ITPKC: variants seen among roughly 807,000 people sequenced by gnomAD.
The protein encoded by ITPKC is IP3 3-kinase C.
Under a neutral mutation model 67.1 loss-of-function variants are expected in ITPKC, and 33 were observed. The observed-to-expected ratio is 0.49, with a 90% CI of 0.37 to 0.66. ITPKC has a LOEUF of 0.66. Among genes scored for constraint, ITPKC ranks in the 30% least tolerant of loss-of-function variants. The pLI is 0.00. For synonymous variants in ITPKC, 341 were observed against 359.8 expected (o/e 0.95, Z 0.59); for missense variants, 820 against 892.1 (o/e 0.92, Z 1.03).
At chr19:40,734,616 C>CTT (rs139302728) in intron 4 of ITPKC, among the ~76,000 whole-genome samples, 6 of 148,860 alleles carry the variant, frequency 4.0e-5, no homozygotes, top group Non-Finnish European at 6.0e-5. Context: ...CTTCTCTTTT[C>CTT]TTTTTTTTTT....
In ITPKC at chr19:40,726,996, C is replaced by T. The variant is rs576104569; in HGVS notation, c.1255+1557C>T. Among the ~76,000 whole-genome samples the T allele has an allele frequency of 6.6e-5, 10 of 152,042 alleles. No homozygotes were observed. In the South Asian group the frequency reaches 1.5e-3, roughly 22 times the overall value. On this transcript the variant is annotated intron_variant, in intron 2 of 6. Coordinates refer to ENST00000263370, the MANE Select transcript of ITPKC (RefSeq NM_025194.3). The stretch of plus-strand genomic sequence containing the variant: ...GGTCTGGGATGCAGTGAGCCTTGAT[C>T]GCACCACAGTACTCTAGCCTAGATG...
rs1318326342 is a variant in ITPKC at position 40,739,513 on chromosome 19, G to A, written c.2005G>A (p.Gly669Ser). 1.2e-6 allele frequency: 2 copies of A among 1,613,620 alleles called. No homozygotes were observed. Among genetic ancestry groups the A allele is most frequent in the Non-Finnish European group, 1.7e-6 (2 of 1,180,022 alleles). ...EGNREDGYLW[G>S]LDNMICLLQG... Reference sequence around the variant, plus strand: ...CAACCGTGAGGACGGCTACCTCTGGGGCCTGGACAACATGATCTGCCTCCT... The same window carrying A: ...CAACCGTGAGGACGGCTACCTCTGGAGCCTGGACAACATGATCTGCCTCCT... The change falls in exon 7 of 7, where the codon GGC becomes AGC. Residue 669 changes from glycine (G) to serine (S), a missense_variant. By Grantham distance (56) the Gly-to-Ser change is moderately conservative. Around this residue, in one of 2 missense-constraint regions of ITPKC, gnomAD observed 339 missense variants for 422.0 expected, o/e 0.80. Transcript: ENST00000263370.
chr19:40,718,024 G>A lies in ITPKC; in HGVS notation c.889G>A (p.Glu297Lys). 6.2e-7 allele frequency: 1 copy of A among 1,614,204 alleles called. No individual in the cohort carries two copies. The highest frequency in any genetic ancestry group is 8.5e-7 in the Non-Finnish European group (1 of 1,180,030). Residue 297 changes from glutamate (E) to lysine (K), a missense_variant, in exon 1 of 7, where the codon GAG becomes AAG. By Grantham distance (56) the Glu-to-Lys change is moderately conservative. Coordinates refer to ENST00000263370, the MANE Select transcript of ITPKC (RefSeq NM_025194.3). ...ACCTGGGACAGACTGCCTCTTGGGA[G>A]AGCCTGAGGATGGCCCATTAGAGGA... The part of the protein sequence containing the change: ...TAPGTDCLLG[E>K]PEDGPLEEPE...
At chr19:40,736,375 A>G (rs1412643323) in intron 4 of ITPKC, among the ~76,000 whole-genome samples, 1 of 151,824 alleles carries the variant, frequency 6.6e-6, no homozygotes, top group African/African-American at 2.4e-5. Context: ...TTCAACCAGG[A>G]GGTTCAAGGT....
chr19:40,719,924 T>A (rs534090790), intron 1 of ITPKC, among the ~76,000 whole-genome samples: 75 of 152,276 alleles, frequency 4.9e-4, no homozygotes, highest in African/African-American at 1.8e-3. Flanking sequence ...CACCAGACAC[T>A]GTTTTAAGTT....
At chr19:40,731,205 C>T (rs557756308) in intron 3 of ITPKC, among the ~76,000 whole-genome samples, 3 of 152,152 alleles carry the variant, frequency 2.0e-5, no homozygotes, top group Non-Finnish European at 2.9e-5. Context: ...GGGGCCCCAC[C>T]GTAGGAGGCC....
intron 5 of ITPKC, 120 bp from the exon 6 acceptor site, chr19:40,737,577 CT>C: frequency 1.2e-6 from 1 of 829,222 alleles, no homozygotes; most frequent in Non-Finnish European, 2.1e-6. Context: ...CATGGCTCCC[CT>C]ATTCCATCCT....
In ITPKC at chr19:40,739,677, A is replaced by T; in HGVS notation, c.*117A>T. ...GAGCTGGCCTCCAGGGACGGGAGAG[A>T]TTGTGTCATGTGCCACACGAGACCA... On this transcript the variant is annotated 3_prime_UTR_variant, in exon 7 of 7. Coordinates refer to ENST00000263370, the MANE Select transcript of ITPKC (RefSeq NM_025194.3). The T allele has an allele frequency of 1.1e-6, 1 of 886,648 alleles. No individual in the cohort carries two copies. Among genetic ancestry groups the T allele is most frequent in the Non-Finnish European group, 1.7e-6 (1 of 583,404 alleles). The allele number at this position is 886,648 out of a possible 1,614,324, so 54.9% of individuals were successfully genotyped here.
At chr19:40,726,956 C>T (rs1437950171) in intron 2 of ITPKC, among the ~76,000 whole-genome samples, 1 of 151,888 alleles carries the variant, frequency 6.6e-6, no homozygotes, top group African/African-American at 2.4e-5. Context: ...GTGGGAAGAT[C>T]ACTTGAGTCC....
chr19:40,737,722 G>A lies in ITPKC; in HGVS notation c.1801G>A (p.Glu601Lys). ...GCAAAAGTACGTGGCATGCCTAGAA[G>A]AACTTCGTGAAGCTCTGGAGATCTC... ...ILQKYVACLEELREALEISPF... is the reference protein window; with the variant it reads ...ILQKYVACLEKLREALEISPF... The change falls in exon 6 of 7, where the codon GAA (glutamate) becomes AAA (lysine). Residue 601 changes from glutamate (E) to lysine (K), a missense_variant. By Grantham distance (56) the Glu-to-Lys change is moderately conservative. Coordinates refer to ENST00000263370, the MANE Select transcript of ITPKC (RefSeq NM_025194.3). 6.2e-7 allele frequency: 1 copy of A among 1,614,160 alleles called. No homozygotes were observed. The highest frequency in any genetic ancestry group is 8.5e-7 in the Non-Finnish European group (1 of 1,180,020).
rs548348376 is a variant in ITPKC at position 40,726,712 on chromosome 19, A to G, written c.1255+1273A>G. 1.5e-4 allele frequency among the ~76,000 whole-genome samples: 23 copies of G among 152,262 alleles called. No homozygotes were observed. In the South Asian group the frequency reaches 2.9e-3, roughly 19 times the overall value. Reference sequence around the variant, plus strand: ...CTGTGTCAACACAAGTTTGCCATCTATATGTGTTCTGGTTACTATTGCTGA... The same window carrying G: ...CTGTGTCAACACAAGTTTGCCATCTGTATGTGTTCTGGTTACTATTGCTGA... On this transcript the variant is annotated intron_variant, in intron 2 of 6. Coordinates refer to ENST00000263370, the MANE Select transcript of ITPKC (RefSeq NM_025194.3).
intron 1 of ITPKC, 93 bp downstream of exon 1, chr19:40,718,383 A>ACGGC: frequency 7.0e-7 from 1 of 1,432,048 alleles, no homozygotes; most frequent in Non-Finnish European, 9.2e-7. Context: ...ATTTACTGTT[A>ACGGC]GTTGCCCACC....
At chr19:40,734,519 C>T (rs1345893633) in intron 4 of ITPKC, among the ~76,000 whole-genome samples, 4 of 152,102 alleles carry the variant, frequency 2.6e-5, no homozygotes, top group Admixed American at 1.3e-4. Flanking sequence ...TTCTCCTGTT[C>T]GAAACCCTTC....
chr19:40,723,793 G>A (rs1401851331), intron 1 of ITPKC, among the ~76,000 whole-genome samples: 2 of 151,976 alleles, frequency 1.3e-5, no homozygotes, highest in Admixed American at 1.3e-4. Flanking sequence ...CACCACACCC[G>A]GCCTATTTCT....
chr19:40,723,072 C>T (rs140849727), intron 1 of ITPKC, among the ~76,000 whole-genome samples: 1,612 of 152,108 alleles, frequency 0.011, 73 homozygotes, highest in Admixed American at 0.087. Flanking sequence ...CACCATTCTC[C>T]TGCCTCAGCC....
Position 40,740,740 on chromosome 19 carries a change from A to T in ITPKC, c.*1180A>T, listed in dbSNP as rs2082325964. ...CTCTCCTTTTCTACTGACCATCTTG[A>T]TACTTATTTATACGAGAGGCAGTTG... On this transcript the variant is annotated 3_prime_UTR_variant, in exon 7 of 7. Transcript: ENST00000263370. 2.6e-6 allele frequency: 1 copy of T among 381,558 alleles called. No homozygotes were observed. The highest frequency in any genetic ancestry group is 3.7e-5 in the East Asian group (1 of 26,872). 23.6% of individuals were successfully genotyped at this position (381,558 alleles called of 1,614,324 possible).
chr19:40,734,315 G>T (rs2082284813), intron 4 of ITPKC, among the ~76,000 whole-genome samples: 2 of 151,982 alleles, frequency 1.3e-5, no homozygotes, highest in African/African-American at 4.8e-5. Flanking sequence ...AGGCCTCAAA[G>T]AATCACTTTG....
chr19:40,729,343 C>A lies in ITPKC; in HGVS notation c.1397C>A (p.Thr466Asn), dbSNP rs1231873309. ...GGCATGGTGCTGCAGGATGGCCAGA[C>A]CTTCAACCAGATGGAAGACCTCCTG... ...YYGMVLQDGQ[T>N]FNQMEDLLAD... The change falls in exon 3 of 7, where the codon ACC becomes AAC. Residue 466 changes from threonine (T) to asparagine (N), a missense_variant. Coordinates refer to ENST00000263370, the MANE Select transcript of ITPKC (RefSeq NM_025194.3). 6.2e-7 allele frequency: 1 copy of A among 1,614,184 alleles called. No homozygotes were observed. The highest frequency in any genetic ancestry group is 8.5e-7 in the Non-Finnish European group (1 of 1,180,020).
rs2082269449 is a variant in ITPKC, at chr19:40,731,259, G to A, written c.1469+1844G>A. 2.6e-5 allele frequency among the ~76,000 whole-genome samples: 4 copies of A among 152,328 alleles called. No individual in the cohort carries two copies. The South Asian group carries it at 8.3e-4, about 32-fold the overall frequency. On this transcript the variant is annotated intron_variant, in intron 3 of 6. Coordinates refer to ENST00000263370, the MANE Select transcript of ITPKC (RefSeq NM_025194.3). ...AACTCCACCTCCTGTCAGACTAGCG[G>A]GCAGGAGATTCTCTGGAGGGCGAAC...
Sources: allele counts gnomAD v4.1 joint callset (sites outside exome capture counted in the v4.1 genomes callset), GRCh38; gene constraint gnomAD v4.1.1; regional missense constraint gnomAD v4.1.1; transcripts MANE v1.5; gene names NCBI Gene and HGNC (gene_info 2026-07-23, HGNC 2026-07-21).